Variants in TSHZ2 observed in about 807,000 individuals in gnomAD.
The protein encoded by TSHZ2 is teashirt homolog 2.
TSHZ2 carries 21 observed loss-of-function variants against 74.4 expected under a neutral mutation model. That is an observed-to-expected ratio of 0.28 (90% confidence interval 0.20 to 0.41). The LOEUF (loss-of-function observed/expected upper bound fraction) is 0.41. Ranked by LOEUF, TSHZ2 falls within the 10% of genes least tolerant of loss-of-function variation. TSHZ2 has a pLI of 1.00. For synonymous variants in TSHZ2, 540 were observed against 515.3 expected, an observed-to-expected ratio of 1.05 and a Z score of -0.65; for missense variants, 1,244 against 1,293.5, an observed-to-expected ratio of 0.96 and a Z score of 0.59.
chr20:53,009,969 T>A (rs1278779507), intron 1 of TSHZ2, among the ~76,000 whole-genome samples: 2 of 152,220 alleles, frequency 1.3e-5, no homozygotes, highest in Admixed American at 1.3e-4. Flanking sequence ...TCGGGGATGA[T>A]GTAAACTATA....
intron 2 of TSHZ2, among the ~76,000 whole-genome samples, chr20:53,484,497 T>C (rs1008606188): frequency 1.3e-5 from 2 of 151,670 alleles, no homozygotes; most frequent in African/African-American, 4.8e-5. Context: ...GCGATTCTCA[T>C]GCCTCAGCCT....
At chr20:53,316,512 C>G (rs1334526491) in intron 2 of TSHZ2, among the ~76,000 whole-genome samples, 1 of 151,866 alleles carries the variant, frequency 6.6e-6, no homozygotes, top group Non-Finnish European at 1.5e-5. Flanking sequence ...TTTACAGCAG[C>G]CTCGAAGACT....
intron 1 of TSHZ2, among the ~76,000 whole-genome samples, chr20:53,108,039 C>G (rs73142267): frequency 0.07 from 10,719 of 152,294 alleles, 439 homozygotes; most frequent in Non-Finnish European, 0.1. Flanking sequence ...CATAATCTCT[C>G]TTCCCCATGG....
chr20:53,064,779 C>T (rs1267895671), intron 1 of TSHZ2, among the ~76,000 whole-genome samples: 3 of 151,896 alleles, frequency 2.0e-5, no homozygotes, highest in African/African-American at 7.3e-5. Context: ...AATGAAAGGG[C>T]CAAAAAGAAA....
intron 2 of TSHZ2, chr20:53,400,436 A>G (rs156605): frequency 0.93 from 142,391 of 152,372 alleles, 66,651 homozygotes; most frequent in East Asian, 1. Context: ...TCTGTGCCAG[A>G]CTCCTTGTGG....
chr20:53,262,838 A>G (rs1394261480), intron 2 of TSHZ2, among the ~76,000 whole-genome samples: 3 of 152,102 alleles, frequency 2.0e-5, no homozygotes, highest in Non-Finnish European at 4.4e-5. Context: ...TATTAAATCC[A>G]GTGTAAATGT....
At chr20:53,027,168 T>A (rs2123051069) in intron 1 of TSHZ2, among the ~76,000 whole-genome samples, 1 of 152,330 alleles carries the variant, frequency 6.6e-6, no homozygotes, top group Middle Eastern at 3.4e-3. Context: ...TTTCTTGGGA[T>A]AACTTCCAAA....
At chr20:53,102,111 C>A (rs1986233858) in intron 1 of TSHZ2, among the ~76,000 whole-genome samples, 1 of 152,070 alleles carries the variant, frequency 6.6e-6, no homozygotes, top group African/African-American at 2.4e-5. Context: ...ACTTTCCAGG[C>A]AATGAGAAAT....
chr20:53,167,189 T>TGTAGAGGCCA (rs1414543298), intron 1 of TSHZ2, among the ~76,000 whole-genome samples: 1 of 152,210 alleles, frequency 6.6e-6, no homozygotes, highest in Non-Finnish European at 1.5e-5. Flanking sequence ...GGAAGATGAA[T>TGTAGAGGCCA]GTAGAGGCCA....
At chr20:53,144,838 G>T (rs958125191) in intron 1 of TSHZ2, among the ~76,000 whole-genome samples, 3 of 151,042 alleles carry the variant, frequency 2.0e-5, no homozygotes, top group African/African-American at 7.3e-5. Flanking sequence ...TATGAAAGAT[G>T]AATTAAATAT....
intron 2 of TSHZ2, among the ~76,000 whole-genome samples, chr20:53,475,756 C>T (rs1386151172): frequency 4.3e-5 from 6 of 140,492 alleles, no homozygotes; most frequent in African/African-American, 1.4e-4. Flanking sequence ...ATTGATAGAC[C>T]ACTAGCAAGA....
intron 2 of TSHZ2, among the ~76,000 whole-genome samples, chr20:53,425,192 A>G (rs1239188429): frequency 1.3e-5 from 2 of 152,182 alleles, no homozygotes; most frequent in African/African-American, 4.8e-5. Context: ...GTGAGTTCTC[A>G]CTTCTCTCAC....
chr20:52,997,857 ACTCCCC>A, intron 1 of TSHZ2, among the ~76,000 whole-genome samples: 1 of 151,930 alleles, frequency 6.6e-6, no homozygotes, highest in Admixed American at 6.5e-5. Context: ...CTTTGCCTAA[ACTCCCC>A]TGCTTTTAGG....
chr20:53,482,707 C>T (rs1986186546), intron 2 of TSHZ2, among the ~76,000 whole-genome samples: 1 of 151,630 alleles, frequency 6.6e-6, no homozygotes, highest in South Asian at 2.1e-4. Flanking sequence ...AGTTCAAGAC[C>T]AGCCTGGGCA....
At chr20:53,169,758 G>A (rs1315303076) in intron 1 of TSHZ2, among the ~76,000 whole-genome samples, 3 of 152,140 alleles carry the variant, frequency 2.0e-5, no homozygotes, top group Non-Finnish European at 4.4e-5. Context: ...GAGAATAGTT[G>A]TCTATTTTTA....
chr20:53,111,870 C>G (rs1379219042), intron 1 of TSHZ2, among the ~76,000 whole-genome samples: 1 of 150,024 alleles, frequency 6.7e-6, no homozygotes, highest in Non-Finnish European at 1.5e-5. Flanking sequence ...GTACCTGATG[C>G]AGAGCTTACA....
intron 2 of TSHZ2, among the ~76,000 whole-genome samples, chr20:53,436,536 A>ATTTTTT (rs71194478): frequency 3.1e-4 from 26 of 83,550 alleles, no homozygotes; most frequent in East Asian, 8.0e-4. Context: ...TATTATTATT[A>ATTTTTT]TTATTATTAT....
chr20:53,486,060 C>T (rs916202319), intron 2 of TSHZ2, among the ~76,000 whole-genome samples: 1 of 152,180 alleles, frequency 6.6e-6, no homozygotes, highest in Non-Finnish European at 1.5e-5. Flanking sequence ...TTTCCCACCT[C>T]ATCCCCAGTC....
chr20:53,065,443 T>C (rs1000537811), intron 1 of TSHZ2, among the ~76,000 whole-genome samples: 6 of 152,068 alleles, frequency 3.9e-5, no homozygotes, highest in Non-Finnish European at 7.4e-5. Context: ...GCATGAAAGG[T>C]TGTACAAGTA....
Sources: gnomAD v4.1 joint callset for allele counts (sites outside exome capture counted in the v4.1 genomes callset) on GRCh38, gnomAD v4.1.1 for gene constraint, MANE v1.5 for transcripts, NCBI Gene and HGNC (gene_info 2026-07-23, HGNC 2026-07-21) for gene names.